CDK12: variants seen among roughly 807,000 people sequenced by gnomAD.
The protein encoded by CDK12 is cyclin dependent kinase 12.
In CDK12, 17 loss-of-function variants were observed where a neutral mutation model predicts 133.8. The ratio of observed to expected loss-of-function variants is 0.13; its 90% CI spans 0.09 to 0.19. The LOEUF (loss-of-function observed/expected upper bound fraction) is 0.19. Among genes scored for constraint, CDK12 ranks in the 10% least tolerant of loss-of-function variants. The pLI is 1.00. For missense variants in CDK12, 1,508 were observed against 1,818.7 expected (o/e 0.83, Z 3.11); for synonymous variants, 694 against 683.6 (o/e 1.02, Z -0.24).
chr17:39,533,922 A>G lies in CDK12; in HGVS notation c.*2606A>G, dbSNP rs560089829. The G allele has an allele frequency of 3.4e-5, 8 of 232,156 alleles. No individual in the cohort carries two copies. Among genetic ancestry groups the G allele is most frequent in the South Asian group, 1.8e-4 (1 of 5,510 alleles). The allele number at this position is 232,156 out of a possible 1,614,324, so 14.4% of individuals were successfully genotyped here. A position where few individuals can be genotyped will look rare whatever the true frequency, so the allele number is the denominator to read the frequency against. On this transcript the variant is annotated 3_prime_UTR_variant, in exon 14 of 14. Coordinates refer to ENST00000447079, the MANE Select transcript of CDK12 (RefSeq NM_016507.4). ...GGTTTGGCAGAATTTCACCTTGACTATTTGAAAATTACAGACCCAATTAAT... is the reference window on the plus strand; with the variant it reads ...GGTTTGGCAGAATTTCACCTTGACTGTTTGAAAATTACAGACCCAATTAAT...
intron 6 of CDK12, among the ~76,000 whole-genome samples, chr17:39,502,955 G>T (rs1025659668): frequency 6.6e-6 from 1 of 152,070 alleles, no homozygotes; most frequent in Non-Finnish European, 1.5e-5. Flanking sequence ...CCCCACTGAG[G>T]AACTTAAACT....
At chr17:39,463,408 T>C (rs868061905) in intron 1 of CDK12, among the ~76,000 whole-genome samples, 36 of 152,214 alleles carry the variant, frequency 2.4e-4, no homozygotes, top group Middle Eastern at 6.8e-3. Flanking sequence ...GTGGATGGAG[T>C]TGATACTAGT....
downstream of CDK12, among the ~76,000 whole-genome samples, chr17:39,537,216 A>G (rs1394631048): frequency 1.3e-5 from 2 of 152,124 alleles, no homozygotes; most frequent in Non-Finnish European, 2.9e-5. Flanking sequence ...CAGAACTACA[A>G]TAGTGCCTAA....
chr17:39,559,014 A>C (rs753921317), intron 3 of CDK12, among the ~76,000 whole-genome samples: 33 of 152,292 alleles, frequency 2.2e-4, no homozygotes, highest in Non-Finnish European at 4.4e-4. Context: ...CCCACCTCCC[A>C]TGGTTGTGTT....
intron 5 of CDK12, among the ~76,000 whole-genome samples, chr17:39,499,208 C>T (rs7219414): frequency 0.97 from 12,025 of 12,438 alleles, 5,895 homozygotes; most frequent in South Asian, 0.98. Context: ...TCTTTCTTTC[C>T]TTTTTTTTTT....
Position 39,531,617 on chromosome 17 carries a change from C to G in CDK12, c.*301C>G. 3.2e-6 allele frequency: 1 copy of G among 310,344 alleles called. No individual in the cohort carries two copies. The highest frequency in any genetic ancestry group is 5.9e-6 in the Non-Finnish European group (1 of 169,952). The allele number at this position is 310,344 out of a possible 1,614,324, so 19.2% of individuals were successfully genotyped here. Reference sequence around the variant, plus strand: ...TTGAAAAGTAAATGTTTTATTAGTTCATTGCCTGCACTTACTGATCGGAAG... The same window carrying G: ...TTGAAAAGTAAATGTTTTATTAGTTGATTGCCTGCACTTACTGATCGGAAG... On this transcript the variant is annotated 3_prime_UTR_variant, in exon 14 of 14. Coordinates refer to ENST00000447079, the MANE Select transcript of CDK12 (RefSeq NM_016507.4).
At chr17:39,544,378 A>G (rs2055566631), upstream of CDK12, 1 of 478,254 alleles carries the variant, frequency 2.1e-6, no homozygotes, top group Admixed American at 2.3e-5. Context: ...CCTAAAGCCA[A>G]TCAGAGGTCA....
At position 39,476,430 on chromosome 17, in the gene CDK12, A is replaced by T. The variant is rs371453076; in HGVS notation, c.1931+4667A>T. ...CAACTATTTATTATTTTATTTATTT[A>T]TTTTTTGAGATGGAATTTTTGCCCT... On this transcript the variant is annotated intron_variant, in intron 2 of 13. Coordinates refer to ENST00000447079, the MANE Select transcript of CDK12 (RefSeq NM_016507.4). 4.7e-5 allele frequency among the ~76,000 whole-genome samples: 7 copies of T among 148,400 alleles called. No homozygotes were observed. In the South Asian group the frequency reaches 8.5e-4, roughly 18 times the overall value.
chr17:39,476,976 C>T (rs924976192), intron 2 of CDK12, among the ~76,000 whole-genome samples: 24 of 151,160 alleles, frequency 1.6e-4, no homozygotes, highest in Non-Finnish European at 2.7e-4. Flanking sequence ...GGGCTTCCAA[C>T]GTGCTGGAAT....
chr17:39,520,017 T>A lies in CDK12; in HGVS notation c.3025T>A (p.Cys1009Ser). ...HMLTLDPSKRCTAEQTLQSDF... is the reference protein window; with the variant it reads ...HMLTLDPSKRSTAEQTLQSDF... ...GCTGACACTAGATCCTAGTAAGCGG[T>A]GCACAGCTGAACAGACCCTACAGAG... Residue 1009 changes from cysteine (C) to serine (S), a missense_variant, in exon 11 of 14, where the codon TGC (cysteine) becomes AGC (serine). Around this residue, in one of 9 missense-constraint regions of CDK12, gnomAD observed 399 missense variants for 469.6 expected, o/e 0.85. Transcript: ENST00000447079. 6.2e-7 allele frequency: 1 copy of A among 1,614,098 alleles called. No individual in the cohort carries two copies. The highest frequency in any genetic ancestry group is 8.5e-7 in the Non-Finnish European group (1 of 1,179,982).
chr17:39,498,196 G>T (rs2052288560), intron 5 of CDK12, among the ~76,000 whole-genome samples: 1 of 151,312 alleles, frequency 6.6e-6, no homozygotes, highest in Non-Finnish European at 1.5e-5. Flanking sequence ...ATTTTGCTAT[G>T]TTGCCCAGCC....
At chr17:39,520,275 C>G (rs1422915328) in intron 11 of CDK12, among the ~76,000 whole-genome samples, 188 bp downstream of exon 11, 4 of 152,076 alleles carry the variant, frequency 2.6e-5, no homozygotes, top group African/African-American at 9.7e-5. Flanking sequence ...ATAGATTTAG[C>G]TTTGATACTT....
At chr17:39,542,494 T>C (rs1302794295) in intron 1 of CDK12, among the ~76,000 whole-genome samples, 1 of 140,264 alleles carries the variant, frequency 7.1e-6, no homozygotes, top group Non-Finnish European at 1.5e-5. Flanking sequence ...CCCAGCCTCT[T>C]ATTTTCTTTT....
At chr17:39,540,336 G>C (rs2055350335) in intron 1 of CDK12, among the ~76,000 whole-genome samples, 1 of 152,168 alleles carries the variant, frequency 6.6e-6, no homozygotes, top group African/African-American at 2.4e-5. Context: ...CAATTGATAG[G>C]ATGTGTCAAT....
At chr17:39,478,028 A>AT (rs371201748) in intron 2 of CDK12, among the ~76,000 whole-genome samples, 109 of 108,094 alleles carry the variant, frequency 1.0e-3, no homozygotes, top group African/African-American at 1.4e-3. Context: ...TTTAAACATG[A>AT]TTTTTTTTTT....
intron 1 of CDK12, among the ~76,000 whole-genome samples, chr17:39,463,569 C>T (rs944852734): frequency 1.6e-4 from 25 of 152,108 alleles, no homozygotes; most frequent in Admixed American, 7.9e-4. Flanking sequence ...TTGTGTTGTC[C>T]ACTGAATCCC....
chr17:39,553,679 T>G (rs1265059619), intron 2 of CDK12, among the ~76,000 whole-genome samples: 1 of 152,078 alleles, frequency 6.6e-6, no homozygotes, highest in Non-Finnish European at 1.5e-5. Context: ...ACTGTGGGCT[T>G]GAAGATAGGA....
At chr17:39,498,943 CTTT>C (rs1567736802) in intron 5 of CDK12, among the ~76,000 whole-genome samples, 3 of 418 alleles carry the variant, frequency 7.2e-3, no homozygotes, top group Non-Finnish European at 6.3e-3. Flanking sequence ...TTCTTTCTTT[CTTT>C]CTTTCTTTCT....
In CDK12 at chr17:39,532,767, A is replaced by G. The variant is rs2054938111; in HGVS notation, c.*1451A>G. On this transcript the variant is annotated 3_prime_UTR_variant, in exon 14 of 14. Coordinates refer to ENST00000447079, the MANE Select transcript of CDK12 (RefSeq NM_016507.4). ...TGCTTCCAGGCAAGAACTTTGCCTT[A>G]TCATAAACAGGAAATGAAAAAGGGA... 4.3e-6 allele frequency: 1 copy of G among 232,828 alleles called. No homozygotes were observed. The highest frequency in any genetic ancestry group is 8.5e-6 in the Non-Finnish European group (1 of 117,802). 14.4% of individuals were successfully genotyped at this position (232,828 alleles called of 1,614,324 possible).
Sources: gnomAD v4.1 joint callset for allele counts (sites outside exome capture counted in the v4.1 genomes callset) on GRCh38, gnomAD v4.1.1 for gene constraint, gnomAD v4.1.1 regional missense constraint, MANE v1.5 for transcripts, NCBI Gene and HGNC (gene_info 2026-07-23, HGNC 2026-07-21) for gene names.